Variants in MYO7B observed in about 807,000 individuals in gnomAD.
The protein encoded by MYO7B is myosin VIIB.
In MYO7B, 212 loss-of-function variants were observed where a neutral mutation model predicts 259.7. That is an observed-to-expected ratio of 0.82 (90% CI 0.73 to 0.91). The LOEUF (loss-of-function observed/expected upper bound fraction) is 0.91. Ranked by LOEUF, MYO7B falls within the 40% of genes least tolerant of loss-of-function variation. The pLI is 0.00. For missense variants in MYO7B, 2,732 were observed against 2,813.5 expected (o/e 0.97, Z 0.66); for synonymous variants, 1,197 against 1,166.4 (o/e 1.03, Z -0.54).
At chr2:127,599,686 C>T (rs768855930) in intron 19 of MYO7B, among the ~76,000 whole-genome samples, 5 of 152,168 alleles carry the variant, frequency 3.3e-5, no homozygotes, top group Admixed American at 6.5e-5. Flanking sequence ...GTCGAGGAAG[C>T]TTCCAATATT....
chr2:127,553,740 G>A (rs1471363697), intron 1 of MYO7B, among the ~76,000 whole-genome samples: 1 of 152,182 alleles, frequency 6.6e-6, no homozygotes, highest in East Asian at 1.9e-4. Flanking sequence ...CGATTTGGAT[G>A]CCTGTTATTT....
At chr2:127,547,216 G>A (rs144067012) in intron 1 of MYO7B, among the ~76,000 whole-genome samples, 12 of 152,304 alleles carry the variant, frequency 7.9e-5, no homozygotes, top group African/African-American at 2.6e-4. Context: ...CAGCAAGCAT[G>A]TCCTGAGCCC....
rs1460320223 is a variant in MYO7B at position 127,634,174 on chromosome 2, A to G, written c.5512-2A>G. The G allele has an allele frequency of 1.3e-6, 2 of 1,598,386 alleles. No homozygotes were observed. Among genetic ancestry groups the G allele is most frequent in the Admixed American group, 3.5e-5 (2 of 57,758 alleles). On this transcript the variant is annotated splice_acceptor_variant, in intron 40 of 47. Transcript: ENST00000409816. LOFTEE classifies it high-confidence loss of function. ...GGCCTCACCAGCTGCCTCTCTGTCC[A>G]GATGCTGGAGGTGGTTGCCAACACA...
At position 127,627,156 on chromosome 2, in the gene MYO7B, C is replaced by T; in HGVS notation, c.4334-28C>T. On this transcript the variant is annotated intron_variant, in intron 32 of 47. Coordinates refer to ENST00000409816, the MANE Select transcript of MYO7B (RefSeq NM_001393586.1). This position sits in a 1 kb window ranked among gnomAD's most constrained non-coding sequence, Gnocchi z 5.6. ...CTGGGCACCCAGGGGTCCCATGCAG[C>T]CTTCACACTGCCGTCTCTCCTGGCC... 1.2e-6 allele frequency: 2 copies of T among 1,604,240 alleles called. No homozygotes were observed. Among genetic ancestry groups the T allele is most frequent in the Middle Eastern group, 1.7e-4 (1 of 6,050 alleles).
chr2:127,595,957 G>A (rs190218158), intron 18 of MYO7B, among the ~76,000 whole-genome samples: 24 of 152,256 alleles, frequency 1.6e-4, no homozygotes, highest in Admixed American at 2.6e-4. Flanking sequence ...GGGGTGGAGA[G>A]TTCTGTAGAT....
chr2:127,609,119 G>C lies in MYO7B; in HGVS notation c.2814+241G>C, dbSNP rs1452938279. 1.3e-5 allele frequency among the ~76,000 whole-genome samples: 2 copies of C among 152,162 alleles called. No homozygotes were observed. The highest frequency in any genetic ancestry group is 2.9e-5 in the Non-Finnish European group (2 of 68,034). On this transcript the variant is annotated intron_variant, in intron 22 of 47. Coordinates refer to ENST00000409816, the MANE Select transcript of MYO7B (RefSeq NM_001393586.1). The surrounding 1 kb of genome is among the most constrained non-coding windows in gnomAD (Gnocchi z 6.9). ...TGGAGCCTTCTCTACCAATGCTGCC[G>C]GGCTCTCCATCACATGGCATTCCCC...
intron 28 of MYO7B, among the ~76,000 whole-genome samples, chr2:127,622,627 G>C (rs1680895347): frequency 6.6e-6 from 1 of 152,228 alleles, no homozygotes; most frequent in South Asian, 2.1e-4. Context: ...AACCCCGGCA[G>C]GTGCCCGCCC....
chr2:127,606,289 A>C (rs1680155247), intron 20 of MYO7B, among the ~76,000 whole-genome samples: 1 of 152,056 alleles, frequency 6.6e-6, no homozygotes, highest in African/African-American at 2.4e-5. Context: ...CCTTTTCCTA[A>C]TTTTTTCTCT....
At chr2:127,541,372 T>G (rs1363325536) in intron 1 of MYO7B, among the ~76,000 whole-genome samples, 1 of 152,230 alleles carries the variant, frequency 6.6e-6, no homozygotes, top group Non-Finnish European at 1.5e-5. Context: ...AGCATAAAAG[T>G]GCAGCTTAGG....
Position 127,635,736 on chromosome 2 carries a change from C to T in MYO7B, c.5835C>T (p.Tyr1945=), listed in dbSNP as rs1399616356. ...CCATCACCCAGGAGCTGCCCAAGTA[C>T]CTGCGCGGATTCCACAAGTGTTCGC... ...ILHYHQELPK[Y]LRGFHKCSRE... is the part of the protein sequence containing the mutation. Residue 1945 remains tyrosine (Y), a synonymous_variant, in exon 44 of 48, where the codon TAC becomes TAT. Transcript: ENST00000409816. The T allele has an allele frequency of 6.2e-7, 1 of 1,602,848 alleles. No homozygotes were observed. The highest frequency in any genetic ancestry group is 1.1e-5 in the South Asian group (1 of 88,788).
At position 127,636,075 on chromosome 2, in the gene MYO7B, G is replaced by C. The variant is rs1016842538; in HGVS notation, c.6007-133G>C. On this transcript the variant is annotated intron_variant, in intron 44 of 47. Transcript: ENST00000409816. The surrounding 1 kb of genome is among the most constrained non-coding windows in gnomAD (Gnocchi z 4.5). ...GCCTTCCTATGCCATCCACAGCACC[G>C]AGACTGTCCCATGCTGCATTCCTCC... 4.7e-6 allele frequency: 5 copies of C among 1,059,580 alleles called. No homozygotes were observed. The East Asian group carries it at 1.0e-4, about 22-fold the overall frequency. 65.6% of individuals were successfully genotyped at this position (1,059,580 alleles called of 1,614,324 possible).
chr2:127,574,129 T>G, intron 7 of MYO7B, 67 bp downstream of exon 7: 1 of 1,586,964 alleles, frequency 6.3e-7, no homozygotes. Context: ...GGGGCCCCTT[T>G]CCCACTCTCA....
rs753502343 is a variant in MYO7B at position 127,592,923 on chromosome 2, C to G, written c.2122C>G (p.Leu708Val). 1 of 1,601,286 alleles carries G rather than the reference C, an allele frequency of 6.2e-7. No homozygotes were observed. Among genetic ancestry groups the G allele is most frequent in the Non-Finnish European group, 8.5e-7 (1 of 1,174,756 alleles). ...EEFSQRFGVL[L>V]PNAMRMQLQG... ...GTTCTCGCAGAGGTTCGGCGTGTTG[C>G]TGCCCAACGCCATGCGGATGCAGGT... Residue 708 changes from leucine (L) to valine (V), a missense_variant, in exon 17 of 48, where the codon CTG (leucine) becomes GTG (valine). Around this residue, in one of 3 missense-constraint regions of MYO7B, gnomAD observed 1,906 missense variants for 2,026.4 expected, o/e 0.94. Coordinates refer to ENST00000409816, the MANE Select transcript of MYO7B (RefSeq NM_001393586.1).
At position 127,539,868 on chromosome 2, in the gene MYO7B, A is replaced by T. The variant is rs1022735586; in HGVS notation, c.-24+4037A>T. Among the ~76,000 whole-genome samples the T allele has an allele frequency of 2.6e-5, 4 of 152,322 alleles. No individual in the cohort carries two copies. Among genetic ancestry groups the T allele is most frequent in the Non-Finnish European group, 4.4e-5 (3 of 68,020 alleles). On this transcript the variant is annotated intron_variant, in intron 1 of 47. Transcript: ENST00000409816. This position sits in a 1 kb window ranked among gnomAD's most constrained non-coding sequence, Gnocchi z 4.0. ...CCCGAAAGTCCCCAAAGTCCATTGT[A>T]TCGTTCTTACGCCTTTGCAGCCTCA...
rs112059121 is a variant in MYO7B at position 127,620,623 on chromosome 2, A to C, written c.3525+157A>C. Among the ~76,000 whole-genome samples the C allele has an allele frequency of 6.5e-3, 987 of 152,122 alleles. 14 individuals are homozygous for C. Among genetic ancestry groups the C allele is most frequent in the African/African-American group, 0.022 (895 of 41,514 alleles). ...GCAGCCATGCCTATGCTTCTCCAGG[A>C]CTCAGTTTCCCCATCTGGAAAAGAG... On this transcript the variant is annotated intron_variant, in intron 27 of 47. Transcript: ENST00000409816.
intron 38 of MYO7B, 34 bp downstream of exon 38, chr2:127,631,787 C>A: frequency 6.2e-7 from 1 of 1,602,822 alleles, no homozygotes; most frequent in Non-Finnish European, 8.5e-7. Context: ...CACGCGGGCA[C>A]CCTCAGTCCT....
intron 7 of MYO7B, 71 bp downstream of exon 7, chr2:127,574,133 A>G: frequency 6.3e-7 from 1 of 1,575,272 alleles, no homozygotes; most frequent in East Asian, 2.2e-5. Context: ...CCCCTTTCCC[A>G]CTCTCACCTC....
In MYO7B at chr2:127,620,382, C is replaced by T. The variant is rs754013955; in HGVS notation, c.3441C>T (p.Asn1147=). The T allele has an allele frequency of 3.3e-5, 53 of 1,612,526 alleles. No homozygotes were observed. Among genetic ancestry groups the T allele is most frequent in the Non-Finnish European group, 4.3e-5 (51 of 1,178,836 alleles). Reference sequence around the variant, plus strand: ...AGATCTGCAAGCAGCTCTCGGAGAACTTCAAAACAAGCAGCCTGGCCCGGG... The same window carrying T: ...AGATCTGCAAGCAGCTCTCGGAGAATTTCAAAACAAGCAGCCTGGCCCGGG... The part of the protein sequence containing the change: ...YCQICKQLSE[N]FKTSSLARGW... The change falls in exon 27 of 48, where the codon AAC becomes AAT. Residue 1147 remains asparagine (N), a synonymous_variant. Transcript: ENST00000409816.
chr2:127,636,545 C>A lies in MYO7B; in HGVS notation c.6124C>A (p.Gln2042Lys). 1.2e-6 allele frequency: 2 copies of A among 1,609,882 alleles called. No homozygotes were observed. The highest frequency in any genetic ancestry group is 1.1e-5 in the South Asian group (1 of 90,244). The change falls in exon 46 of 48, where the codon CAA becomes AAA. Residue 2042 changes from glutamine (Q) to lysine (K), a missense_variant and splice_region_variant. Around this residue, in one of 3 missense-constraint regions of MYO7B, gnomAD observed 821 missense variants for 769.3 expected, o/e 1.07. Coordinates refer to ENST00000409816, the MANE Select transcript of MYO7B (RefSeq NM_001393586.1). This position sits in a 1 kb window ranked among gnomAD's most constrained non-coding sequence, Gnocchi z 4.5. ...TFGSAFFEVK[Q>K]TSEPSYPDVI... ...TGACCGCCGTGTCCCTCCCTCCCAG[C>A]AAACCTCGGAGCCTTCCTACCCGGA...
Sources: gnomAD v4.1 joint callset for allele counts (sites outside exome capture counted in the v4.1 genomes callset) on GRCh38, gnomAD v4.1.1 for gene constraint, gnomAD v4.1.1 regional missense constraint, Gnocchi (gnomAD v3.1) non-coding constraint, MANE v1.5 for transcripts, NCBI Gene and HGNC (gene_info 2026-07-23, HGNC 2026-07-21) for gene names.